The following PRADC1 variants were observed in gnomAD, a reference collection of about 807,000 sequenced individuals.
The protein encoded by PRADC1 is protease associated domain containing 1, also known as protease-associated domain-containing protein 1.
A neutral mutation model predicts 22.9 loss-of-function variants in PRADC1; 23 were observed. The ratio of observed to expected loss-of-function variants is 1.00; its 90% CI spans 0.72 to 1.42. The LOEUF is 1.42. Among genes scored for constraint, PRADC1 ranks in the 40% most tolerant of loss-of-function variants. The pLI is 0.00. For synonymous variants in PRADC1, 71 were observed against 100.3 expected (o/e 0.71, Z 1.75); for missense variants, 207 against 258.3 (o/e 0.80, Z 1.36).
chr2:73,229,997 G>A, intron 2 of PRADC1, 116 bp downstream of exon 2: 3 of 727,450 alleles, frequency 4.1e-6, no homozygotes, highest in South Asian at 1.6e-5. Flanking sequence ...GGAAGGCAGA[G>A]CTGATTCTGC....
Position 73,230,120 on chromosome 2 carries a change from C to G in PRADC1, c.161G>C (p.Gly54Ala). 1 of 1,611,186 alleles carries G rather than the reference C, an allele frequency of 6.2e-7. No homozygotes were observed. Among genetic ancestry groups the G allele is most frequent in the Non-Finnish European group, 8.5e-7 (1 of 1,177,678 alleles). Residue 54 changes from glycine to alanine, a missense_variant, in exon 2 of 5, where the codon GGT becomes GCT. Gly to Ala is a moderately conservative substitution (Grantham distance 60, BLOSUM62 0). Transcript: ENST00000258083. ...FTATPAKDFG[G>A]IFHTRYEQIH... ...GGGCCTCCCTTAACTTACAAAGATACCACCAAAGTCCTTGGCAGGTGTGGC... is the reference window on the plus strand; with the variant it reads ...GGGCCTCCCTTAACTTACAAAGATAGCACCAAAGTCCTTGGCAGGTGTGGC...
Position 73,230,224 on chromosome 2 carries a change from A to C in PRADC1, c.68-11T>G, listed in dbSNP as rs779033013. On this transcript the variant is annotated splice_polypyrimidine_tract_variant and intron_variant, in intron 1 of 4. Coordinates refer to ENST00000258083, the MANE Select transcript of PRADC1 (RefSeq NM_032319.3). ...CATGGATACGGAAGCCTGAAGGATA[A>C]AGAGTACAGGTAAGAAGCCTCCCAG... The C allele has an allele frequency of 8.8e-6, 14 of 1,599,476 alleles. No individual in the cohort carries two copies. The highest frequency in any genetic ancestry group is 9.4e-6 in the Non-Finnish European group (11 of 1,166,762).
intron 2 of PRADC1, 90 bp from the exon 3 acceptor site, chr2:73,229,660 T>G (rs193098597): frequency 1.2e-5 from 11 of 944,858 alleles, no homozygotes; most frequent in Non-Finnish European, 1.9e-5. Flanking sequence ...TATTGGCACC[T>G]TATAAAGTGT....
Position 73,232,201 on chromosome 2 carries a change from G to T in PRADC1, c.67+893C>A, listed in dbSNP as rs536924740. Among the ~76,000 whole-genome samples the T allele has an allele frequency of 5.9e-5, 9 of 152,198 alleles. 1 individual carries two copies. The East Asian group carries it at 1.7e-3, about 29-fold the overall frequency. ...AATACAAAAAAATTAGCCGGGCGTGGTGGTGGGCGCCTGTAGTCCCAGCTA... is the reference window on the plus strand; with the variant it reads ...AATACAAAAAAATTAGCCGGGCGTGTTGGTGGGCGCCTGTAGTCCCAGCTA... On this transcript the variant is annotated intron_variant, in intron 1 of 4. Coordinates refer to ENST00000258083, the MANE Select transcript of PRADC1 (RefSeq NM_032319.3).
At chr2:73,233,252 C>T, upstream of PRADC1, 1 of 838,600 alleles carries the variant, frequency 1.2e-6, no homozygotes, top group Non-Finnish European at 1.7e-6. Context: ...CTGCTCCGGC[C>T]TCCCGCCCAC....
intron 3 of PRADC1, 24 bp downstream of exon 3, chr2:73,229,437 G>GTGTCCTGCCTGCCCACTCCTCT: frequency 6.6e-7 from 1 of 1,508,162 alleles, no homozygotes; most frequent in Non-Finnish European, 9.2e-7. Context: ...CCCACTCCTC[G>GTGTCCTGCCTGCCCACTCCTCT]TGTCCTGCCT....
intron 1 of PRADC1, among the ~76,000 whole-genome samples, chr2:73,231,775 A>G (rs888272194): frequency 1.8e-4 from 28 of 152,174 alleles, no homozygotes; most frequent in African/African-American, 9.7e-5. Flanking sequence ...ATTTTTAAAT[A>G]TCTGCCTCTT....
Position 73,228,521 on chromosome 2 carries a change from G to A in PRADC1, c.500C>T (p.Ser167Phe). Residue 167 changes from serine (S) to phenylalanine (F), a missense_variant, in exon 5 of 5, where the codon TCC becomes TTC. Transcript: ENST00000258083. The surrounding 1 kb of genome is among the most constrained non-coding windows in gnomAD (Gnocchi z 4.0). ...GATGCTGGTGACATTGACTGGGATG[G>A]AAATGATGGCCCATGGCAGCCCATG... is the stretch of plus-strand genomic sequence containing the variant. Reference protein sequence around the residue: ...EQHGLPWAIISIPVNVTSIPT... With the variant: ...EQHGLPWAIIFIPVNVTSIPT... 6.2e-7 allele frequency: 1 copy of A among 1,614,224 alleles called. No individual in the cohort carries two copies. The highest frequency in any genetic ancestry group is 8.5e-7 in the Non-Finnish European group (1 of 1,180,050).
chr2:73,229,606 T>C (rs1203482475), intron 2 of PRADC1, 36 bp from the exon 3 acceptor site: 3 of 1,501,210 alleles, frequency 2.0e-6, no homozygotes, highest in Non-Finnish European at 2.8e-6. Context: ...GGTGAGAGTG[T>C]AATGAGACAC....
At chr2:73,232,677 T>C (rs1305024728) in intron 1 of PRADC1, among the ~76,000 whole-genome samples, 1 of 152,252 alleles carries the variant, frequency 6.6e-6, no homozygotes, top group Non-Finnish European at 1.5e-5. Context: ...CATAGATGTA[T>C]ACATTTATGT....
At chr2:73,233,261 A>G (rs1686705811), upstream of PRADC1, 4 of 753,080 alleles carry the variant, frequency 5.3e-6, no homozygotes, top group Non-Finnish European at 7.8e-6. Context: ...CCTCCCGCCC[A>G]CATACCCGCT....
chr2:73,232,615 G>A (rs1045704942), intron 1 of PRADC1, among the ~76,000 whole-genome samples: 2 of 152,154 alleles, frequency 1.3e-5, no homozygotes, highest in Admixed American at 1.3e-4. Context: ...GCTTGCCTTT[G>A]TGTGTGCTTA....
chr2:73,230,260 G>A (rs1277554339), intron 1 of PRADC1, 47 bp from the exon 2 acceptor site: 8 of 1,370,814 alleles, frequency 5.8e-6, no homozygotes, highest in Non-Finnish European at 8.3e-6. Context: ...GAACAAGCTG[G>A]TTCAGGTTCA....
At chr2:73,230,255 AGCTGGTTCAGGTTCAGATCCCAGACCCTG>A (rs760727247) in intron 1 of PRADC1, 42 bp from the exon 2 acceptor site, 1 of 1,438,266 alleles carries the variant, frequency 7.0e-7, no homozygotes, top group South Asian at 1.2e-5. Flanking sequence ...CCCAGGAACA[AGCTGGTTCAGGTTCAGATCCCAGACCCTG>A]TGTCTTCAGC....
At chr2:73,231,231 T>C (rs112901455) in intron 1 of PRADC1, among the ~76,000 whole-genome samples, 5,286 of 152,300 alleles carry the variant, frequency 0.035, 139 homozygotes, top group Non-Finnish European at 0.053. Flanking sequence ...GCCATTCTCC[T>C]GCCTCAGCCT....
chr2:73,231,208 C>T (rs1686628085), intron 1 of PRADC1, among the ~76,000 whole-genome samples: 1 of 152,224 alleles, frequency 6.6e-6, no homozygotes, highest in African/African-American at 2.4e-5. Context: ...CAAGCTCCGC[C>T]TCCCGGGTTC....
rs1439008159 is a variant in PRADC1, at chr2:73,233,110, C to T, written c.51G>A (p.Ala17=). The change falls in exon 1 of 5, where the codon GCG becomes GCA. Residue 17 remains alanine (A), a synonymous_variant. Coordinates refer to ENST00000258083, the MANE Select transcript of PRADC1 (RefSeq NM_032319.3). The part of the protein sequence containing the change: ...GWCCLVLWLP[A]CVAAHGFRIH... ...GCCGCTCACCGTGGGCCGCGACGCA[C>T]GCGGGGAGCCAGAGCACGAGACAAC... 1.3e-6 allele frequency: 2 copies of T among 1,543,250 alleles called. No individual in the cohort carries two copies. Among genetic ancestry groups the T allele is most frequent in the African/African-American group, 1.4e-5 (1 of 71,016 alleles).
At chr2:73,230,469 T>G (rs1686616138) in intron 1 of PRADC1, among the ~76,000 whole-genome samples, 2 of 151,680 alleles carry the variant, frequency 1.3e-5, no homozygotes, top group African/African-American at 4.9e-5. Context: ...CCAGGAAAAC[T>G]GAGAGCTCCA....
At chr2:73,229,044 G>A (rs1316536916) in intron 3 of PRADC1, 82 bp from the exon 4 acceptor site, 2 of 1,249,108 alleles carry the variant, frequency 1.6e-6, no homozygotes, top group African/African-American at 3.0e-5. Context: ...GAGTATAGAA[G>A]GCAGACTATG....
Sources: allele counts gnomAD v4.1 joint callset (sites outside exome capture counted in the v4.1 genomes callset), GRCh38; gene constraint gnomAD v4.1.1; non-coding constraint Gnocchi (gnomAD v3.1); transcripts MANE v1.5; gene names NCBI Gene and HGNC (gene_info 2026-07-23, HGNC 2026-07-21).